The following BICDL1 variants were observed in gnomAD, a reference collection of about 807,000 sequenced individuals.
BICDL1 encodes BICD family like cargo adaptor 1.
BICDL1 carries 20 observed loss-of-function variants against 76.8 expected under a neutral mutation model. The ratio of observed to expected loss-of-function variants is 0.26; its 90% CI spans 0.18 to 0.38. The LOEUF is 0.38. Among genes scored for constraint, BICDL1 ranks in the 10% least tolerant of loss-of-function variants. The probability of loss-of-function intolerance (pLI) is 1.00; values close to 1 mark genes in which losing one functional copy is unlikely to be tolerated. For missense variants in BICDL1, 700 were observed against 798.6 expected (o/e 0.88, Z 1.49); for synonymous variants, 383 against 337.1 (o/e 1.14, Z -1.49).
rs1390062686 is a variant in BICDL1, at chr12:120,052,864, T to A, written c.646-8846T>A. Among the ~76,000 whole-genome samples, 4 of 152,114 alleles carry A rather than the reference T, an allele frequency of 2.6e-5. No individual in the cohort carries two copies. In the East Asian group the frequency reaches 7.7e-4, roughly 29 times the overall value. On this transcript the variant is annotated intron_variant, in intron 2 of 9. Transcript: ENST00000548673. ...TTGGCTCAGTGCAACCTCTGCCTCC[T>A]AGGTTCAAGCGATTCTCCTGCCTCA... is the stretch of plus-strand genomic sequence containing the variant.
chr12:120,016,999 TCTC>T (rs1357893253), intron 2 of BICDL1, among the ~76,000 whole-genome samples: 2 of 152,106 alleles, frequency 1.3e-5, no homozygotes, highest in Non-Finnish European at 2.9e-5. Flanking sequence ...TTCATGCCAT[TCTC>T]CTGCTGAGCT....
chr12:120,001,862 C>T (rs1273470548), intron 2 of BICDL1, among the ~76,000 whole-genome samples: 1 of 152,114 alleles, frequency 6.6e-6, no homozygotes, highest in Non-Finnish European at 1.5e-5. Context: ...CTAGCCTGAA[C>T]TATACAGTAA....
chr12:119,998,694 A>G lies in BICDL1; in HGVS notation c.603A>G (p.Glu201=), dbSNP rs1328666444. 3 of 1,614,180 alleles carry G rather than the reference A, an allele frequency of 1.9e-6. No homozygotes were observed. The highest frequency in any genetic ancestry group is 1.7e-6 in the Non-Finnish European group (2 of 1,180,020). The part of the protein sequence containing the change: ...ADREKSRAVQ[E]LSEQNQRLLD... ...GAGAAAAATCACGGGCTGTCCAGGA[A>G]CTGTCGGAACAGAACCAAAGGCTAT... is the stretch of plus-strand genomic sequence containing the variant. Residue 201 remains glutamate, a synonymous_variant, in exon 2 of 10, where the codon GAA becomes GAG. Transcript: ENST00000548673.
chr12:120,031,893 C>G (rs1324992270), intron 2 of BICDL1, among the ~76,000 whole-genome samples: 1 of 152,036 alleles, frequency 6.6e-6, no homozygotes, highest in African/African-American at 2.4e-5. Context: ...GAGTTTGAGA[C>G]CAGCTTGGGC....
At chr12:120,056,672 G>A (rs574932493) in intron 2 of BICDL1, among the ~76,000 whole-genome samples, 78 of 152,042 alleles carry the variant, frequency 5.1e-4, no homozygotes, top group African/African-American at 1.8e-3. Flanking sequence ...AGCCGAGATC[G>A]CGCTACTGCA....
At chr12:119,992,513 G>A (rs1371944543) in intron 1 of BICDL1, 1 of 152,210 alleles carries the variant, frequency 6.6e-6, no homozygotes, top group Non-Finnish European at 1.5e-5. Context: ...CTCCTGAGTA[G>A]CTGGGACTAC....
At chr12:120,082,664 C>CT (rs1874083684) in intron 8 of BICDL1, among the ~76,000 whole-genome samples, 2 of 152,080 alleles carry the variant, frequency 1.3e-5, no homozygotes, top group Admixed American at 1.3e-4. Context: ...CTCACTGCAG[C>CT]TTCCACCTCC....
chr12:120,023,689 C>T (rs975003769), intron 2 of BICDL1, among the ~76,000 whole-genome samples: 4 of 151,684 alleles, frequency 2.6e-5, no homozygotes, highest in African/African-American at 9.7e-5. Flanking sequence ...ACTCAGGAGG[C>T]TGAGGTAGGA....
intron 2 of BICDL1, among the ~76,000 whole-genome samples, chr12:120,026,784 C>G (rs979953953): frequency 1.3e-5 from 2 of 152,128 alleles, no homozygotes; most frequent in African/African-American, 2.4e-5. Context: ...TTTTTGCTCT[C>G]TTTACTGCCT....
Position 120,027,889 on chromosome 12 carries a change from G to T in BICDL1, c.645+29153G>T, listed in dbSNP as rs142263051. On this transcript the variant is annotated intron_variant, in intron 2 of 9. Coordinates refer to ENST00000548673, the MANE Select transcript of BICDL1 (RefSeq NM_001367886.1). ...TGTTTACTCTTAATTTGCAATTATA[G>T]TGCAGTACAAGAAAGGCCAACAGCA... Among the ~76,000 whole-genome samples the T allele has an allele frequency of 2.4e-4, 37 of 152,252 alleles. No homozygotes were observed. The East Asian group carries it at 6.2e-3, about 25-fold the overall frequency.
chr12:120,083,745 C>G (rs1413303947), intron 8 of BICDL1, among the ~76,000 whole-genome samples: 2 of 151,950 alleles, frequency 1.3e-5, no homozygotes, highest in Admixed American at 1.3e-4. Context: ...CTGCAACCCC[C>G]ACCTCCCAGG....
chr12:120,001,537 C>T (rs1224905446), intron 2 of BICDL1, among the ~76,000 whole-genome samples: 4 of 152,192 alleles, frequency 2.6e-5, no homozygotes, highest in Admixed American at 6.5e-5. Flanking sequence ...TGAGCCACCA[C>T]GCCTGGCCAA....
intron 6 of BICDL1, among the ~76,000 whole-genome samples, chr12:120,073,641 T>C (rs1054878269): frequency 5.9e-5 from 9 of 152,206 alleles, no homozygotes; most frequent in Non-Finnish European, 1.5e-5. Flanking sequence ...CGCTCCCAGC[T>C]TTTTGGCTAT....
chr12:120,093,143 A>C lies in BICDL1; in HGVS notation c.1848A>C (p.Ser616=). ...PSIAEGKRLF[S]FFRKI ...TCGCTGAAGGCAAACGACTCTTCTC[A>C]TTCTTCAGGAAAATTTAAGTTGGGA... The change falls in exon 10 of 10, where the codon TCA becomes TCC. Residue 616 remains serine (S), a synonymous_variant. Transcript: ENST00000548673. 1 of 1,607,736 alleles carries C rather than the reference A, an allele frequency of 6.2e-7. No individual in the cohort carries two copies. The highest frequency in any genetic ancestry group is 1.1e-5 in the South Asian group (1 of 90,494).
chr12:120,067,228 A>C (rs1412436102), intron 4 of BICDL1, among the ~76,000 whole-genome samples: 1 of 152,272 alleles, frequency 6.6e-6, no homozygotes, highest in East Asian at 1.9e-4. Flanking sequence ...GGCATCTTAC[A>C]GATGTCTGCA....
intron 4 of BICDL1, among the ~76,000 whole-genome samples, chr12:120,070,384 C>T (rs935875597): frequency 5.3e-5 from 8 of 152,148 alleles, no homozygotes; most frequent in Non-Finnish European, 1.2e-4. Context: ...TCCACAGTGG[C>T]ACAGTGTAAT....
At chr12:120,089,453 T>C (rs1024220118) in intron 8 of BICDL1, among the ~76,000 whole-genome samples, 1 of 152,140 alleles carries the variant, frequency 6.6e-6, no homozygotes, top group African/African-American at 2.4e-5. Context: ...TGGTGCAATC[T>C]CGGCTCACTG....
At chr12:120,053,331 G>T (rs998516538) in intron 2 of BICDL1, among the ~76,000 whole-genome samples, 2 of 152,102 alleles carry the variant, frequency 1.3e-5, no homozygotes, top group Non-Finnish European at 2.9e-5. Flanking sequence ...TGATCCACCC[G>T]CCTCGGCCTT....
chr12:120,028,013 CT>C (rs1438209543), intron 2 of BICDL1, among the ~76,000 whole-genome samples: 1 of 152,206 alleles, frequency 6.6e-6, no homozygotes, highest in Non-Finnish European at 1.5e-5. Context: ...GGGTATTAAT[CT>C]CACTCTGCAT....
Sources: gnomAD v4.1 joint callset for allele counts (sites outside exome capture counted in the v4.1 genomes callset) on GRCh38, gnomAD v4.1.1 for gene constraint, MANE v1.5 for transcripts, NCBI Gene and HGNC (gene_info 2026-07-23, HGNC 2026-07-21) for gene names.